RNF130: variants seen among roughly 807,000 people sequenced by gnomAD.
RNF130 encodes the protein ring finger protein 130.
Under a neutral mutation model 44.6 loss-of-function variants are expected in RNF130, and 21 were observed. The ratio of observed to expected loss-of-function variants is 0.47; its 90% CI spans 0.33 to 0.68. RNF130 has a LOEUF of 0.68. Among genes scored for constraint, RNF130 ranks in the 30% least tolerant of loss-of-function variants. RNF130 has a pLI of 0.02. For missense variants in RNF130, 479 were observed against 560.6 expected (o/e 0.85, Z 1.47); for synonymous variants, 214 against 210.4 (o/e 1.02, Z -0.15).
At position 179,980,159 on chromosome 5, in the gene RNF130, C is replaced by T; in HGVS notation, c.735G>A (p.Leu245=). The T allele has an allele frequency of 1.9e-6, 3 of 1,614,096 alleles. No individual in the cohort carries two copies. Among genetic ancestry groups the T allele is most frequent in the Non-Finnish European group, 2.5e-6 (3 of 1,180,004 alleles). ...GDAAKKAISK[L]TTRTVKKGDK... is the part of the protein sequence containing the mutation. ...CACCCTTCTTTACTGTCCTGGTTGT[C>T]AATTTACTGATGGCTTTCTTGGCTG... Residue 245 remains leucine (L), a synonymous_variant, in exon 4 of 9, where the codon TTG becomes TTA. Transcript: ENST00000521389.
rs950837796 is a variant in RNF130 at position 179,963,508 on chromosome 5, T to C, written c.1207A>G (p.Met403Val). Reference protein sequence around the residue: ...GLLSALTLCYMIIRATASLNA... With the variant: ...GLLSALTLCYVIIRATASLNA... ...AAGCTAGCTGTGGCTCTGATGATCATGTAGCAGAGTGTGAGGGCACTGAGG... is the reference window on the plus strand; with the variant it reads ...AAGCTAGCTGTGGCTCTGATGATCACGTAGCAGAGTGTGAGGGCACTGAGG... The change falls in exon 8 of 9, where the codon ATG becomes GTG. Residue 403 changes from methionine to valine, a missense_variant. By Grantham distance (21) the Met-to-Val change is conservative. Transcript: ENST00000521389. The C allele has an allele frequency of 1.2e-6, 2 of 1,614,090 alleles. No individual in the cohort carries two copies. The highest frequency in any genetic ancestry group is 1.3e-5 in the African/African-American group (1 of 75,056).
chr5:179,928,233 G>C (rs1402480687), intron 7 of RNF130, among the ~76,000 whole-genome samples: 1 of 152,178 alleles, frequency 6.6e-6, no homozygotes, highest in Admixed American at 6.5e-5. Flanking sequence ...CTGGGTCTTA[G>C]GTGTGCATAT....
chr5:179,992,331 C>T (rs1561683603), intron 3 of RNF130, among the ~76,000 whole-genome samples: 1 of 152,042 alleles, frequency 6.6e-6, no homozygotes, highest in Non-Finnish European at 1.5e-5. Context: ...TTAGTAGAGA[C>T]GGGGTTTCAC....
chr5:179,951,314 T>G (rs1762120238), downstream of RNF130, among the ~76,000 whole-genome samples: 1 of 151,926 alleles, frequency 6.6e-6, no homozygotes, highest in South Asian at 2.1e-4. Flanking sequence ...CAAGATAAGA[T>G]TTGAGCAACA....
At chr5:179,966,553 A>G (rs1201586233) in intron 7 of RNF130, among the ~76,000 whole-genome samples, 2 of 152,254 alleles carry the variant, frequency 1.3e-5, no homozygotes, top group African/African-American at 4.8e-5. Context: ...TTTATAAAAC[A>G]GCGACTAAGA....
chr5:179,954,076 G>T (rs1762165908), downstream of RNF130, among the ~76,000 whole-genome samples: 1 of 152,106 alleles, frequency 6.6e-6, no homozygotes. Flanking sequence ...ACATCTATAA[G>T]AAAAAAGACA....
At chr5:180,051,193 G>A (rs1250938924) in intron 1 of RNF130, among the ~76,000 whole-genome samples, 1 of 151,748 alleles carries the variant, frequency 6.6e-6, no homozygotes, top group African/African-American at 2.4e-5. Flanking sequence ...AAATAAAAAG[G>A]TGATACATTC....
intron 7 of RNF130, among the ~76,000 whole-genome samples, chr5:179,943,126 C>T (rs1296431749): frequency 2.6e-5 from 4 of 152,266 alleles, no homozygotes; most frequent in South Asian, 2.1e-4. Context: ...ACCAGAGAGG[C>T]AGAGGTTGCA....
chr5:180,004,856 G>A (rs1203040775), intron 3 of RNF130, among the ~76,000 whole-genome samples: 5 of 152,094 alleles, frequency 3.3e-5, no homozygotes, highest in African/African-American at 1.2e-4. Flanking sequence ...GTGAAATCTA[G>A]GTATAAAATC....
At chr5:180,025,179 C>T (rs892011521) in intron 2 of RNF130, among the ~76,000 whole-genome samples, 1 of 152,222 alleles carries the variant, frequency 6.6e-6, no homozygotes, top group Admixed American at 6.5e-5. Flanking sequence ...GCAGCTGTGC[C>T]AGTGAGACCA....
At chr5:179,972,250 G>T (rs1382200001) in intron 5 of RNF130, among the ~76,000 whole-genome samples, 4 of 152,190 alleles carry the variant, frequency 2.6e-5, no homozygotes, top group African/African-American at 9.7e-5. Flanking sequence ...CCCTTTTGGG[G>T]CATACAAACT....
chr5:179,945,774 CG>C (rs1274618758), intron 7 of RNF130, among the ~76,000 whole-genome samples: 1 of 152,116 alleles, frequency 6.6e-6, no homozygotes, highest in African/African-American at 2.4e-5. Flanking sequence ...CTAAATACTA[CG>C]CGCCGCTGCA....
At chr5:179,914,865 A>T (rs1238696638) in exon 8 of RNF130, 1 of 152,026 alleles carries the variant, frequency 6.6e-6, no homozygotes, top group African/African-American at 2.4e-5. Flanking sequence ...CTCTGTCTCT[A>T]AAAAAAATTT....
At chr5:180,019,052 G>A (rs141905691) in intron 2 of RNF130, among the ~76,000 whole-genome samples, 1,537 of 152,268 alleles carry the variant, frequency 0.01, 17 homozygotes, top group Middle Eastern at 0.017. Context: ...CCTATTATAC[G>A]TAAAGCAGAA....
chr5:180,033,088 T>C (rs1200154258), intron 2 of RNF130, among the ~76,000 whole-genome samples: 3 of 151,968 alleles, frequency 2.0e-5, no homozygotes, highest in African/African-American at 7.3e-5. Flanking sequence ...ATCCTCCCAC[T>C]TCAGCCTCCC....
At chr5:180,025,223 T>C (rs1276493823) in intron 2 of RNF130, among the ~76,000 whole-genome samples, 1 of 152,212 alleles carries the variant, frequency 6.6e-6, no homozygotes, top group Non-Finnish European at 1.5e-5. Context: ...GTCAGGTCCA[T>C]CATCATATGA....
rs1182874890 is a variant in RNF130 at position 179,942,843 on chromosome 5, G to A, written c.1151-22417C>T. Among the ~76,000 whole-genome samples the A allele has an allele frequency of 2.0e-5, 3 of 152,184 alleles. No individual in the cohort carries two copies. In the South Asian group the frequency reaches 6.2e-4, roughly 31 times the overall value. On this transcript the variant is annotated intron_variant, in intron 7 of 7. Transcript: ENST00000522208. ...ATGGGTGACATATTTCCAGTTATGT[G>A]TAACTCTCTCCTGTGGATATAAGAT...
At chr5:179,924,502 A>T (rs1267167006) in intron 7 of RNF130, among the ~76,000 whole-genome samples, 1 of 145,364 alleles carries the variant, frequency 6.9e-6, no homozygotes, top group Non-Finnish European at 1.5e-5. Flanking sequence ...CTGAAAAAAA[A>T]AAAAATAAAT....
chr5:179,931,343 A>G (rs910579226), intron 7 of RNF130, among the ~76,000 whole-genome samples: 1 of 152,258 alleles, frequency 6.6e-6, no homozygotes, highest in African/African-American at 2.4e-5. Context: ...GTTTTTAATC[A>G]GCTGTGAAAA....
Sources: allele counts gnomAD v4.1 joint callset (sites outside exome capture counted in the v4.1 genomes callset), GRCh38; gene constraint gnomAD v4.1.1; transcripts MANE v1.5; gene names NCBI Gene and HGNC (gene_info 2026-07-23, HGNC 2026-07-21).